Variants in ZNF518A observed in about 807,000 individuals in gnomAD.
ZNF518A encodes the protein zinc finger protein 518.
Under a neutral mutation model 102.7 loss-of-function variants are expected in ZNF518A, and 47 were observed. The observed-to-expected ratio is 0.46, with a 90% CI of 0.36 to 0.58. ZNF518A has a LOEUF of 0.58. Ranked by LOEUF, ZNF518A falls within the 20% of genes least tolerant of loss-of-function variation. The probability of loss-of-function intolerance (pLI) is 0.00; values close to 1 mark genes in which losing one functional copy is unlikely to be tolerated. For synonymous variants in ZNF518A, 652 were observed against 594.6 expected (o/e 1.10, Z -1.40); for missense variants, 1,793 against 1,699.8 (o/e 1.05, Z -0.96).
At position 96,158,153 on chromosome 10, in the gene ZNF518A, A is replaced by C. The variant is rs781960044; in HGVS notation, c.1831A>C (p.Asn611His). Residue 611 changes from asparagine (N) to histidine (H), a missense_variant, in exon 6 of 6, where the codon AAC becomes CAC. Physicochemically the swap from Asn to His is moderately conservative, Grantham distance 68. This residue lies in a region of ZNF518A where 1,741 missense variants were observed against 1,622.6 expected (regional missense o/e 1.07). Coordinates refer to ENST00000316045, the MANE Select transcript of ZNF518A (RefSeq NM_001330736.2). ...CTGTGTTGCCAAACCAAATGCATACAACAGTGGAGATATGCATAATTATTG... is the reference window on the plus strand; with the variant it reads ...CTGTGTTGCCAAACCAAATGCATACCACAGTGGAGATATGCATAATTATTG... ...VNCVAKPNAY[N>H]SGDMHNYCIN... is the part of the protein sequence containing the mutation. 6.2e-7 allele frequency: 1 copy of C among 1,613,612 alleles called. No homozygotes were observed. Among genetic ancestry groups the C allele is most frequent in the East Asian group, 2.2e-5 (1 of 44,864 alleles).
intron 3 of ZNF518A, among the ~76,000 whole-genome samples, chr10:96,141,648 A>G (rs587674647): frequency 2.3e-4 from 35 of 152,296 alleles, no homozygotes; most frequent in Admixed American, 2.3e-3. Context: ...TGACTCACAG[A>G]TACACTAGAA....
At position 96,159,156 on chromosome 10, in the gene ZNF518A, C is replaced by G; in HGVS notation, c.2834C>G (p.Thr945Ser). The change falls in exon 6 of 6, where the codon ACT becomes AGT. Residue 945 changes from threonine to serine, a missense_variant. Thr to Ser is a moderately conservative substitution (Grantham distance 58, BLOSUM62 1). Around this residue, in one of 3 missense-constraint regions of ZNF518A, gnomAD observed 1,741 missense variants for 1,622.6 expected, o/e 1.07. Transcript: ENST00000316045. Reference sequence around the variant, plus strand: ...GGATTCTTAATACCATTGAACATTACTAACAAGCCTGGGCTACCAGTTATT... The same window carrying G: ...GGATTCTTAATACCATTGAACATTAGTAACAAGCCTGGGCTACCAGTTATT... ...SKGFLIPLNI[T>S]NKPGLPVIPG... The G allele has an allele frequency of 6.2e-7, 1 of 1,613,678 alleles. No homozygotes were observed. Among genetic ancestry groups the G allele is most frequent in the Non-Finnish European group, 8.5e-7 (1 of 1,179,736 alleles).
intron 3 of ZNF518A, among the ~76,000 whole-genome samples, chr10:96,153,705 T>G (rs1357556181): frequency 2.6e-5 from 4 of 152,202 alleles, no homozygotes; most frequent in Non-Finnish European, 5.9e-5. Flanking sequence ...ATGTTCCCAA[T>G]GAAGCTTTTG....
intron 3 of ZNF518A, among the ~76,000 whole-genome samples, chr10:96,136,102 CTATG>C (rs2081582485): frequency 6.6e-6 from 1 of 151,896 alleles, no homozygotes; most frequent in South Asian, 2.1e-4. Context: ...TTAGGTAAAT[CTATG>C]TATGAGGCAT....
chr10:96,179,220 G>T (rs1554891758), intron 1 of ZNF518A, among the ~76,000 whole-genome samples: 1 of 151,960 alleles, frequency 6.6e-6, no homozygotes, highest in Admixed American at 6.6e-5. Flanking sequence ...TTTACTGCAG[G>T]CAAGAAAAAT....
intron 1 of ZNF518A, among the ~76,000 whole-genome samples, chr10:96,176,040 G>A (rs1294371394): frequency 2.0e-5 from 3 of 152,054 alleles, no homozygotes; most frequent in African/African-American, 7.2e-5. Context: ...CTGGGCTCAA[G>A]CAATCCTGCC....
chr10:96,191,914 A>G, intron 1 of ZNF518A: 1 of 1,608,320 alleles, frequency 6.2e-7, no homozygotes, highest in Non-Finnish European at 8.5e-7. Flanking sequence ...ACTTTTTCTC[A>G]AAAGGAGAAA....
chr10:96,175,908 T>G, intron 1 of ZNF518A, among the ~76,000 whole-genome samples: 1 of 126,220 alleles, frequency 7.9e-6, no homozygotes, highest in Non-Finnish European at 1.6e-5. Context: ...CCTTCCTTCC[T>G]TCCTTCCTTC....
rs1242913083 is a variant in ZNF518A, at chr10:96,162,975, C to T, written c.*2201C>T. 6.0e-6 allele frequency: 1 copy of T among 166,818 alleles called. No homozygotes were observed. The highest frequency in any genetic ancestry group is 1.5e-5 in the Non-Finnish European group (1 of 68,002). The allele number at this position is 166,818 out of a possible 1,614,324, so 10.3% of individuals were successfully genotyped here. A position where few individuals can be genotyped will look rare whatever the true frequency, so the allele number is the denominator to read the frequency against. On this transcript the variant is annotated 3_prime_UTR_variant, in exon 6 of 6. Transcript: ENST00000316045. ...ATAGAGAGGCTTATAGTCTTCAGTA[C>T]CCTAACAGCAATAAAATTAAAATGC...
chr10:96,153,727 T>C (rs1564763472), intron 3 of ZNF518A, among the ~76,000 whole-genome samples: 1 of 152,286 alleles, frequency 6.6e-6, no homozygotes, highest in East Asian at 1.9e-4. Flanking sequence ...ACCCCTTGTA[T>C]TTGAAGTTGA....
chr10:96,175,870 C>CCTCCCTCT (rs2083200137), intron 1 of ZNF518A, among the ~76,000 whole-genome samples: 1 of 54,342 alleles, frequency 1.8e-5, no homozygotes, highest in Non-Finnish European at 5.2e-5. Flanking sequence ...TCCCTGCCTC[C>CCTCCCTCT]CTCCCTCCCT....
At chr10:96,151,958 C>T (rs2082469424) in intron 3 of ZNF518A, among the ~76,000 whole-genome samples, 1 of 152,116 alleles carries the variant, frequency 6.6e-6, no homozygotes, top group African/African-American at 2.4e-5. Context: ...AGATGTTGGT[C>T]AAGTCTTATG....
intron 3 of ZNF518A, among the ~76,000 whole-genome samples, chr10:96,149,119 AACATAAGT>A (rs1340463542): frequency 5.9e-5 from 9 of 152,182 alleles, no homozygotes; most frequent in African/African-American, 2.2e-4. Flanking sequence ...AGACATACAA[AACATAAGT>A]ACATGTTTTT....
chr10:96,185,527 T>G (rs782258345), intron 1 of ZNF518A, among the ~76,000 whole-genome samples: 7 of 152,360 alleles, frequency 4.6e-5, no homozygotes, highest in Middle Eastern at 3.4e-3. Flanking sequence ...CTGATGCTAT[T>G]CCTTTCTGTT....
At chr10:96,179,714 C>G (rs2083226979) in intron 1 of ZNF518A, among the ~76,000 whole-genome samples, 1 of 152,076 alleles carries the variant, frequency 6.6e-6, no homozygotes, top group Non-Finnish European at 1.5e-5. Context: ...TAAATGTTCA[C>G]TGGTTGAATG....
At chr10:96,186,298 C>T (rs965335032) in intron 1 of ZNF518A, among the ~76,000 whole-genome samples, 7 of 152,210 alleles carry the variant, frequency 4.6e-5, no homozygotes, top group African/African-American at 9.7e-5. Flanking sequence ...TCTTCTGCAT[C>T]GATCACACTG....
intron 1 of ZNF518A, among the ~76,000 whole-genome samples, chr10:96,177,804 A>G (rs2083214496): frequency 6.6e-6 from 1 of 152,164 alleles, no homozygotes; most frequent in African/African-American, 2.4e-5. Context: ...TCAATGTTAT[A>G]AACACTCCAA....
At position 96,157,103 on chromosome 10, in the gene ZNF518A, C is replaced by G. The variant is rs782458730; in HGVS notation, c.781C>G (p.Pro261Ala). 4 of 1,613,766 alleles carry G rather than the reference C, an allele frequency of 2.5e-6. No homozygotes were observed. In the Admixed American group the frequency reaches 5.0e-5, roughly 20 times the overall value. Residue 261 changes from proline (P) to alanine (A), a missense_variant, in exon 6 of 6, where the codon CCC becomes GCC. Around this residue, in one of 3 missense-constraint regions of ZNF518A, gnomAD observed 1,741 missense variants for 1,622.6 expected, o/e 1.07. Transcript: ENST00000316045. ...KHLHIHSGTFPFTCQYCSYGA... is the reference protein window; with the variant it reads ...KHLHIHSGTFAFTCQYCSYGA... ...CCTTCATATTCATTCTGGTACTTTT[C>G]CCTTCACTTGTCAATATTGTAGCTA... is the stretch of plus-strand genomic sequence containing the variant.
intron 4 of ZNF518A, 155 bp from the exon 5 acceptor site, chr10:96,155,769 T>C (rs985112186): frequency 6.6e-6 from 1 of 152,210 alleles, no homozygotes; most frequent in Non-Finnish European, 1.5e-5. Context: ...ACTAAGCAAA[T>C]GAAAAAGTTA....
Sources: allele counts gnomAD v4.1 joint callset (sites outside exome capture counted in the v4.1 genomes callset), GRCh38; gene constraint gnomAD v4.1.1; regional missense constraint gnomAD v4.1.1; transcripts MANE v1.5; gene names NCBI Gene and HGNC (gene_info 2026-07-23, HGNC 2026-07-21).